Variants in FOXO3 observed in about 807,000 individuals in gnomAD.
FOXO3 encodes the protein forkhead box O3.
In FOXO3, 4 loss-of-function variants were observed where a neutral mutation model predicts 41.9. That is an observed-to-expected ratio of 0.10 (90% CI 0.05 to 0.22). FOXO3 has a LOEUF of 0.22. FOXO3 is among the 10% of genes least tolerant of loss of function. FOXO3 has a pLI of 1.00. For missense variants in FOXO3, 534 were observed against 906.8 expected (o/e 0.59, Z 5.28); for synonymous variants, 318 against 389.3 (o/e 0.82, Z 2.16).
intron 1 of FOXO3, among the ~76,000 whole-genome samples, chr6:108,622,737 T>C (rs951523734): frequency 6.6e-6 from 1 of 151,902 alleles, no homozygotes; most frequent in African/African-American, 2.4e-5. Flanking sequence ...TTTCCACGGA[T>C]CCCATGTGAA....
intron 2 of FOXO3, among the ~76,000 whole-genome samples, chr6:108,670,137 A>G (rs1018877294): frequency 6.6e-6 from 1 of 152,100 alleles, no homozygotes; most frequent in Admixed American, 6.5e-5. Context: ...ATTGCCTCCT[A>G]GAGGTCCTCC....
intron 1 of FOXO3, among the ~76,000 whole-genome samples, chr6:108,659,096 G>T (rs1166204884): frequency 6.6e-6 from 1 of 151,920 alleles, no homozygotes; most frequent in African/African-American, 2.4e-5. Flanking sequence ...TGTTGCCCAG[G>T]CTGGTCTTGA....
intron 1 of FOXO3, among the ~76,000 whole-genome samples, chr6:108,605,415 T>C (rs970840531): frequency 6.6e-6 from 1 of 152,170 alleles, no homozygotes; most frequent in African/African-American, 2.4e-5. Context: ...CCGCGCCCAG[T>C]CCTACTATTT....
chr6:108,666,562 C>T (rs1779068497), intron 2 of FOXO3, among the ~76,000 whole-genome samples: 1 of 151,282 alleles, frequency 6.6e-6, no homozygotes, highest in Non-Finnish European at 1.5e-5. Flanking sequence ...CCAGGATGGT[C>T]TCGATCTCCT....
chr6:108,579,788 G>A (rs1287929477), intron 1 of FOXO3, among the ~76,000 whole-genome samples: 1 of 152,072 alleles, frequency 6.6e-6, no homozygotes, highest in East Asian at 1.9e-4. Context: ...CAGTCCAGAA[G>A]GCTTGTCTCT....
rs1776531325 is a variant in FOXO3 at position 108,584,892 on chromosome 6, A to G, written c.621+23063A>G. 2.0e-5 allele frequency among the ~76,000 whole-genome samples: 3 copies of G among 152,102 alleles called. No homozygotes were observed. In the South Asian group the frequency reaches 6.2e-4, roughly 32 times the overall value. The stretch of plus-strand genomic sequence containing the variant: ...AAAGACAAGAATCTTACCTTATTTC[A>G]TAGTGATGCAGTTGAAACATGGTAG... On this transcript the variant is annotated intron_variant, in intron 1 of 2. Transcript: ENST00000406360.
intron 1 of FOXO3, among the ~76,000 whole-genome samples, chr6:108,620,792 G>T (rs902750814): frequency 6.6e-6 from 1 of 152,178 alleles, no homozygotes; most frequent in South Asian, 2.1e-4. Flanking sequence ...AATTAATATC[G>T]TAAATGTTTT....
intron 1 of FOXO3, among the ~76,000 whole-genome samples, chr6:108,587,292 C>T (rs1776607975): frequency 6.6e-6 from 1 of 152,062 alleles, no homozygotes; most frequent in Non-Finnish European, 1.5e-5. Flanking sequence ...GTCTCTGTTG[C>T]TCACAAGAGC....
chr6:108,612,691 T>TA (rs1011671533), intron 1 of FOXO3, among the ~76,000 whole-genome samples: 26 of 150,522 alleles, frequency 1.7e-4, no homozygotes, highest in Non-Finnish European at 2.7e-4. Flanking sequence ...AAAAAAAAAA[T>TA]AAAAAAAAAA....
At chr6:108,584,685 G>A (rs534088242) in intron 1 of FOXO3, among the ~76,000 whole-genome samples, 37 of 152,284 alleles carry the variant, frequency 2.4e-4, no homozygotes, top group African/African-American at 8.9e-4. Context: ...TTGCCATCTG[G>A]AAACTTGCAT....
chr6:108,596,081 C>G (rs930821247), intron 1 of FOXO3, among the ~76,000 whole-genome samples: 2 of 151,988 alleles, frequency 1.3e-5, no homozygotes, highest in Non-Finnish European at 2.9e-5. Context: ...GAGGAATGCC[C>G]CCAAAGCTTA....
At chr6:108,592,310 C>T (rs932364603) in intron 1 of FOXO3, among the ~76,000 whole-genome samples, 3 of 151,800 alleles carry the variant, frequency 2.0e-5, no homozygotes, top group Admixed American at 6.6e-5. Flanking sequence ...TGATTTGAAC[C>T]GAAAAAAGGG....
intron 1 of FOXO3, among the ~76,000 whole-genome samples, chr6:108,620,838 A>G (rs1300592150): frequency 6.6e-6 from 1 of 152,180 alleles, no homozygotes; most frequent in East Asian, 1.9e-4. Flanking sequence ...CAGAGCCTAT[A>G]CTGGTGTTTT....
chr6:108,631,007 C>T (rs1777959363), intron 1 of FOXO3, among the ~76,000 whole-genome samples: 2 of 152,096 alleles, frequency 1.3e-5, no homozygotes, highest in African/African-American at 4.8e-5. Flanking sequence ...GTATAAATGT[C>T]TAAGCCTATT....
At chr6:108,668,158 C>G (rs1038580599) in intron 2 of FOXO3, among the ~76,000 whole-genome samples, 1 of 152,196 alleles carries the variant, frequency 6.6e-6, no homozygotes, top group Non-Finnish European at 1.5e-5. Flanking sequence ...GAATTCCTGG[C>G]TTGCTCACAG....
chr6:108,592,444 T>C (rs2128363423), intron 1 of FOXO3, among the ~76,000 whole-genome samples: 1 of 152,372 alleles, frequency 6.6e-6, no homozygotes, highest in Non-Finnish European at 1.5e-5. Context: ...ACTCCTTTAT[T>C]CGTCATCACT....
chr6:108,569,792 T>C (rs981589112), intron 1 of FOXO3, among the ~76,000 whole-genome samples: 21 of 152,068 alleles, frequency 1.4e-4, no homozygotes, highest in African/African-American at 5.1e-4. Context: ...GGGGCAAGGC[T>C]GGAGCAGGAA....
At chr6:108,610,908 T>C (rs541387085) in intron 1 of FOXO3, among the ~76,000 whole-genome samples, 2 of 152,332 alleles carry the variant, frequency 1.3e-5, no homozygotes, top group African/African-American at 4.8e-5. Context: ...AATTTAAGTA[T>C]AAAATTTGAG....
At chr6:108,560,742 C>T (rs1024303267), upstream of FOXO3, 3 of 237,136 alleles carry the variant, frequency 1.3e-5, no homozygotes, top group Non-Finnish European at 2.4e-5. Flanking sequence ...TGCGCCAGCT[C>T]CGGCCGCTGC....
Sources: allele counts gnomAD v4.1 joint callset (sites outside exome capture counted in the v4.1 genomes callset), GRCh38; gene constraint gnomAD v4.1.1; transcripts MANE v1.5; gene names NCBI Gene and HGNC (gene_info 2026-07-23, HGNC 2026-07-21).